The following TMEM150B variants were observed in gnomAD, a reference collection of about 807,000 sequenced individuals.
The protein encoded by TMEM150B is modulator of macroautophagy TMEM150B.
In TMEM150B, 33 loss-of-function variants were observed where a neutral mutation model predicts 25.2. The ratio of observed to expected loss-of-function variants is 1.31; its 90% CI spans 0.99 to 1.75. TMEM150B has a LOEUF of 1.75. Ranked by LOEUF, TMEM150B falls within the 40% of genes most tolerant of loss-of-function variation. The pLI is 0.00. For synonymous variants in TMEM150B, 133 were observed against 134.8 expected, an observed-to-expected ratio of 0.99 and a Z score of 0.09; for missense variants, 322 against 306.1, an observed-to-expected ratio of 1.05 and a Z score of -0.39.
At chr19:55,316,408 A>G (rs1186683716) in intron 7 of TMEM150B, among the ~76,000 whole-genome samples, 3 of 152,044 alleles carry the variant, frequency 2.0e-5, no homozygotes. Flanking sequence ...TGTTCTTAGT[A>G]TATCATTCTT....
At chr19:55,320,826 C>T (rs1340772875) in intron 3 of TMEM150B, 143 bp downstream of exon 3, 2 of 1,153,260 alleles carry the variant, frequency 1.7e-6, no homozygotes, top group East Asian at 2.6e-5. Flanking sequence ...CTCCCTCAGA[C>T]CCAGGAGTCC....
chr19:55,310,112 G>A (rs2088750261), downstream of TMEM150B, among the ~76,000 whole-genome samples: 2 of 152,210 alleles, frequency 1.3e-5, no homozygotes, highest in Admixed American at 6.5e-5. This position sits in a 1 kb window ranked among gnomAD's most constrained non-coding sequence, Gnocchi z 5.0. Flanking sequence ...GTTTCACCCC[G>A]TGTTTGTTTT....
At chr19:55,319,885 G>A in intron 6 of TMEM150B, 154 bp downstream of exon 6, 2 of 1,447,614 alleles carry the variant, frequency 1.4e-6, no homozygotes, top group South Asian at 2.9e-5. Flanking sequence ...GAATCCAGCC[G>A]GTCCAAGGCC....
intron 7 of TMEM150B, 44 bp downstream of exon 7, chr19:55,316,742 T>C (rs768188893): frequency 7.0e-7 from 1 of 1,426,152 alleles, no homozygotes; most frequent in Non-Finnish European, 9.2e-7. Context: ...CCAACTCCAG[T>C]GAAGAGCCAC....
At chr19:55,310,667 C>G (rs755773944), downstream of TMEM150B, among the ~76,000 whole-genome samples, 1 of 152,182 alleles carries the variant, frequency 6.6e-6, no homozygotes, top group Non-Finnish European at 1.5e-5. The surrounding 1 kb of genome is among the most constrained non-coding windows in gnomAD (Gnocchi z 5.0). Context: ...AAACACCCTA[C>G]AATTCACAGA....
chr19:55,323,930 C>CTGGGTT (rs2089271297), intron 1 of TMEM150B, among the ~76,000 whole-genome samples: 2 of 151,210 alleles, frequency 1.3e-5, no homozygotes. Context: ...CCTCAGCCTC[C>CTGGGTT]CAAGTAGCTG....
chr19:55,320,341 C>G lies in TMEM150B; in HGVS notation c.196+50G>C, dbSNP rs766458890. On this transcript the variant is annotated intron_variant, in intron 5 of 7. Coordinates refer to ENST00000326652, the MANE Select transcript of TMEM150B (RefSeq NM_001282011.2). ...TTGAGAAAGGAGCGGTTTCGGAACT[C>G]GCTTGGCTGGGCTTGGGAGCACTGA... 6 of 1,506,334 alleles carry G rather than the reference C, an allele frequency of 4.0e-6. No homozygotes were observed. The South Asian group carries it at 5.3e-5, about 13-fold the overall frequency. The allele number at this position is 1,506,334 out of a possible 1,614,324, so 93.3% of individuals were successfully genotyped here. A position where few individuals can be genotyped will look rare whatever the true frequency, so the allele number is the denominator to read the frequency against.
chr19:55,313,337 G>A (rs570773489), intron 7 of TMEM150B, among the ~76,000 whole-genome samples: 24 of 152,194 alleles, frequency 1.6e-4, no homozygotes, highest in African/African-American at 5.8e-4. Flanking sequence ...CCTGACCCAG[G>A]GAAGGGCCTG....
Position 55,322,706 on chromosome 19 carries a change from G to C in TMEM150B, c.-116C>G. 1 of 985,400 alleles carries C rather than the reference G, an allele frequency of 1.0e-6. No individual in the cohort carries two copies. The highest frequency in any genetic ancestry group is 1.2e-6 in the Non-Finnish European group (1 of 830,040). The allele number at this position is 985,400 out of a possible 1,614,324, so 61.0% of individuals were successfully genotyped here. A position where few individuals can be genotyped will look rare whatever the true frequency, so the allele number is the denominator to read the frequency against. On this transcript the variant is annotated 5_prime_UTR_variant, in exon 2 of 8. Coordinates refer to ENST00000326652, the MANE Select transcript of TMEM150B (RefSeq NM_001282011.2). ...GCTGGGGCTGGGTGAGCTCAGGGAA[G>C]AAGGGCTGGCATTCGGGGTGGGGCT...
intron 1 of TMEM150B, 27 bp downstream of exon 1, chr19:55,325,245 T>C (rs916300337): frequency 2.0e-6 from 2 of 984,388 alleles, no homozygotes; most frequent in Non-Finnish European, 2.4e-6. Context: ...CGAGCTACTT[T>C]CAAGTTGGGA....
intron 1 of TMEM150B, among the ~76,000 whole-genome samples, chr19:55,325,047 A>G (rs1017138167): frequency 6.6e-5 from 10 of 152,130 alleles, no homozygotes; most frequent in African/African-American, 2.4e-4. Context: ...TTCTCTTCCA[A>G]AAACATAATA....
chr19:55,312,980 G>C lies in TMEM150B; in HGVS notation c.581C>G (p.Ala194Gly). ...GTCAACGGCTAAGAGACCGAAGAGC[G>C]CGAACAGCAGCATGGCCACGACCCA... Reference protein sequence around the residue: ...CEWVVAMLLFALFGLLAVDFS... With the variant: ...CEWVVAMLLFGLFGLLAVDFS... Residue 194 changes from alanine to glycine, a missense_variant, in exon 8 of 8, where the codon GCG becomes GGG. Coordinates refer to ENST00000326652, the MANE Select transcript of TMEM150B (RefSeq NM_001282011.2). 1 of 1,613,618 alleles carries C rather than the reference G, an allele frequency of 6.2e-7. No homozygotes were observed. Among genetic ancestry groups the C allele is most frequent in the South Asian group, 1.1e-5 (1 of 91,048 alleles).
At chr19:55,309,771 C>G (rs1338830176), downstream of TMEM150B, among the ~76,000 whole-genome samples, 2 of 152,246 alleles carry the variant, frequency 1.3e-5, no homozygotes, top group East Asian at 3.8e-4. Context: ...CTCGCCCAAG[C>G]AACCAGAGGT....
At chr19:55,319,754 A>G (rs569713125) in intron 6 of TMEM150B, 2 of 1,233,780 alleles carry the variant, frequency 1.6e-6, no homozygotes, top group East Asian at 4.4e-5. Flanking sequence ...CTGGACCAGT[A>G]ATTTCATCAT....
At chr19:55,314,599 C>G (rs947239759) in intron 7 of TMEM150B, among the ~76,000 whole-genome samples, 9 of 152,148 alleles carry the variant, frequency 5.9e-5, no homozygotes, top group Non-Finnish European at 1.2e-4. Flanking sequence ...GTTCCCTCCC[C>G]CACCTACCCC....
chr19:55,311,657 C>A (rs935541142), downstream of TMEM150B, among the ~76,000 whole-genome samples: 2 of 152,210 alleles, frequency 1.3e-5, no homozygotes, highest in African/African-American at 4.8e-5. Context: ...TTGGACTAAC[C>A]TGGCCCCAGG....
intron 2 of TMEM150B, among the ~76,000 whole-genome samples, chr19:55,321,306 CCTCCTTGCACCTCCCAGCCT>C (rs369834612): frequency 0.011 from 1,731 of 151,734 alleles, 34 homozygotes; most frequent in African/African-American, 0.039. Context: ...CCTCCCAGCC[CCTCCTTGCACCTCCCAGCCT>C]CTCCTTGCAC....
intron 6 of TMEM150B, chr19:55,319,707 C>T: frequency 1.8e-6 from 2 of 1,082,064 alleles, no homozygotes; most frequent in Non-Finnish European, 2.3e-6. Context: ...GCCTCCGCCT[C>T]CCAAAGTGCT....
In TMEM150B at chr19:55,323,503, C is replaced by CT. The variant is rs996898004; in HGVS notation, c.-153-761dup. 2.0e-5 allele frequency among the ~76,000 whole-genome samples: 3 copies of CT among 151,652 alleles called. No individual in the cohort carries two copies. The South Asian group carries it at 6.3e-4, about 32-fold the overall frequency. On this transcript the variant is annotated intron_variant, in intron 1 of 7. Coordinates refer to ENST00000326652, the MANE Select transcript of TMEM150B (RefSeq NM_001282011.2). Reference sequence around the variant, plus strand: ...TCCCAATGTTATGCAACCATCGCCTCTTTCTTTTTTTTTTTTTGAGACAGA... The same window carrying CT: ...TCCCAATGTTATGCAACCATCGCCTCTTTTCTTTTTTTTTTTTTGAGACAGA...
Sources: allele counts gnomAD v4.1 joint callset (sites outside exome capture counted in the v4.1 genomes callset), GRCh38; gene constraint gnomAD v4.1.1; non-coding constraint Gnocchi (gnomAD v3.1); transcripts MANE v1.5; gene names NCBI Gene and HGNC (gene_info 2026-07-23, HGNC 2026-07-21).